Variants in PSPC1 observed in about 807,000 individuals in gnomAD.
PSPC1 encodes the protein paraspeckle protein 1.
PSPC1 carries 14 observed loss-of-function variants against 51.6 expected under a neutral mutation model. The observed-to-expected ratio is 0.27, with a 90% CI of 0.18 to 0.42. PSPC1 has a LOEUF of 0.42. Among genes scored for constraint, PSPC1 ranks in the 10% least tolerant of loss-of-function variants. The probability of loss-of-function intolerance (pLI) is 1.00; values close to 1 mark genes in which losing one functional copy is unlikely to be tolerated. For synonymous variants in PSPC1, 193 were observed against 231.9 expected (o/e 0.83, Z 1.53); for missense variants, 406 against 701.1 (o/e 0.58, Z 4.75).
chr13:19,777,924 C>T (rs1393299836), intron 1 of PSPC1, among the ~76,000 whole-genome samples: 8 of 149,674 alleles, frequency 5.3e-5, no homozygotes, highest in South Asian at 2.1e-4. Context: ...CCAGCCTGGG[C>T]GACAGAGTGA....
chr13:19,722,523 G>A (rs958856467), intron 6 of PSPC1, among the ~76,000 whole-genome samples: 8 of 152,154 alleles, frequency 5.3e-5, no homozygotes, highest in African/African-American at 1.9e-4. Context: ...GCCAGGTGTA[G>A]TGGCTCACTC....
At chr13:19,676,910 A>AGAG (rs1491472270) in intron 7 of PSPC1, among the ~76,000 whole-genome samples, 2 of 152,220 alleles carry the variant, frequency 1.3e-5, no homozygotes, top group Non-Finnish European at 2.9e-5. Flanking sequence ...AGTAAAAAGC[A>AGAG]GAGGAGGAGG....
intron 5 of PSPC1, among the ~76,000 whole-genome samples, chr13:19,736,459 G>A (rs539790461): frequency 3.0e-4 from 46 of 152,088 alleles, no homozygotes; most frequent in South Asian, 4.2e-4. Context: ...CGAGGCGGGC[G>A]GATCACAAGG....
chr13:19,706,228 C>G (rs199541616), intron 7 of PSPC1, among the ~76,000 whole-genome samples: 48 of 148,442 alleles, frequency 3.2e-4, no homozygotes, highest in Admixed American at 8.1e-4. Flanking sequence ...TTTTTTTCAA[C>G]CCATGGCTAA....
chr13:19,671,778 G>T (rs1034185370), downstream of PSPC1: 2 of 1,561,196 alleles, frequency 1.3e-6, no homozygotes, highest in African/African-American at 2.7e-5. Context: ...GTTTTTTCTT[G>T]TAAGAAAGGG....
intron 8 of PSPC1, among the ~76,000 whole-genome samples, chr13:19,703,816 C>T (rs1245878285): frequency 6.6e-6 from 1 of 152,060 alleles, no homozygotes; most frequent in Non-Finnish European, 1.5e-5. Flanking sequence ...ATCTTCACAT[C>T]AATTCCTTGA....
At chr13:19,706,433 A>G (rs1593578240) in intron 7 of PSPC1, among the ~76,000 whole-genome samples, 1 of 152,232 alleles carries the variant, frequency 6.6e-6, no homozygotes, top group Middle Eastern at 3.4e-3. Flanking sequence ...CTAAACCAAA[A>G]AATTGAAATG....
intron 5 of PSPC1, among the ~76,000 whole-genome samples, chr13:19,734,342 T>C (rs1051821289): frequency 6.6e-6 from 1 of 152,232 alleles, no homozygotes; most frequent in African/African-American, 2.4e-5. Flanking sequence ...TGTTTTATTT[T>C]GAGGCCCATT....
chr13:19,736,859 T>C (rs567327153), intron 5 of PSPC1: 1 of 152,300 alleles, frequency 6.6e-6, no homozygotes, highest in South Asian at 2.1e-4. Flanking sequence ...TGGCACAATA[T>C]TATAATTAAC....
intron 4 of PSPC1, among the ~76,000 whole-genome samples, chr13:19,751,005 G>A (rs1471566266): frequency 1.3e-5 from 2 of 152,010 alleles, no homozygotes; most frequent in Non-Finnish European, 2.9e-5. Flanking sequence ...CCGACCTCAG[G>A]TGATCCATCT....
intron 4 of PSPC1, among the ~76,000 whole-genome samples, chr13:19,750,146 A>G (rs1886389535): frequency 6.6e-6 from 1 of 152,216 alleles, no homozygotes; most frequent in Non-Finnish European, 1.5e-5. Flanking sequence ...TACTGAATCT[A>G]GTACACAGAA....
intron 6 of PSPC1, chr13:19,678,099 G>C (rs533518577): frequency 3.5e-6 from 1 of 282,528 alleles, no homozygotes; most frequent in Non-Finnish European, 6.9e-6. Context: ...ATAATTTTCA[G>C]ATCTGCTAAT....
intron 6 of PSPC1, among the ~76,000 whole-genome samples, chr13:19,715,660 C>G (rs1881998322): frequency 6.6e-6 from 1 of 152,110 alleles, no homozygotes; most frequent in African/African-American, 2.4e-5. Context: ...CTTTGGGAGG[C>G]TGAGATGCCA....
At chr13:19,719,147 T>C (rs992054528) in intron 6 of PSPC1, among the ~76,000 whole-genome samples, 1 of 150,232 alleles carries the variant, frequency 6.7e-6, no homozygotes, top group African/African-American at 2.4e-5. Context: ...GCTTCAGCAA[T>C]TGTTATAAGT....
chr13:19,730,413 G>A (rs1426894202), intron 5 of PSPC1, 69 bp from the exon 6 acceptor site: 16 of 1,378,744 alleles, frequency 1.2e-5, no homozygotes, highest in Non-Finnish European at 2.1e-6. Context: ...TTTACTTCAT[G>A]TAAAATGAAA....
At chr13:19,760,005 C>T (rs78185711) in intron 2 of PSPC1, among the ~76,000 whole-genome samples, 2,724 of 152,122 alleles carry the variant, frequency 0.018, 84 homozygotes, top group African/African-American at 0.062. Flanking sequence ...ATAATGAAAA[C>T]GAATTTGTAC....
In PSPC1 at chr13:19,782,036, T is replaced by C. The variant is rs1890026121; in HGVS notation, c.372+350A>G. Reference sequence around the variant, plus strand: ...TGCCCGCCCCTGTCCCCGGACCCTTTCGGTACCCGGGGCAACGGGGAACCC... The same window carrying C: ...TGCCCGCCCCTGTCCCCGGACCCTTCCGGTACCCGGGGCAACGGGGAACCC... On this transcript the variant is annotated intron_variant, in intron 1 of 8. Coordinates refer to ENST00000338910, the MANE Select transcript of PSPC1 (RefSeq NM_001354909.2). The surrounding 1 kb of genome is among the most constrained non-coding windows in gnomAD (Gnocchi z 4.5). 6.6e-6 allele frequency among the ~76,000 whole-genome samples: 1 copy of C among 152,204 alleles called. No individual in the cohort carries two copies. Among genetic ancestry groups the C allele is most frequent in the African/African-American group, 2.4e-5 (1 of 41,460 alleles).
chr13:19,700,097 G>A (rs1191265946), downstream of PSPC1, among the ~76,000 whole-genome samples: 3 of 151,868 alleles, frequency 2.0e-5, no homozygotes, highest in African/African-American at 7.3e-5. Flanking sequence ...AATCATATAT[G>A]TCCTTTTTCT....
intron 6 of PSPC1, among the ~76,000 whole-genome samples, chr13:19,722,763 C>T (rs933750382): frequency 6.6e-6 from 1 of 152,072 alleles, no homozygotes; most frequent in African/African-American, 2.4e-5. Flanking sequence ...CACTGTACTC[C>T]AGCCTGGATG....
Sources: allele counts gnomAD v4.1 joint callset (sites outside exome capture counted in the v4.1 genomes callset), GRCh38; gene constraint gnomAD v4.1.1; non-coding constraint Gnocchi (gnomAD v3.1); transcripts MANE v1.5; gene names NCBI Gene and HGNC (gene_info 2026-07-23, HGNC 2026-07-21).